THEMIS: variants seen among roughly 807,000 people sequenced by gnomAD.
The protein encoded by THEMIS is thymocyte selection associated.
Under a neutral mutation model 52.6 loss-of-function variants are expected in THEMIS, and 37 were observed. The observed-to-expected ratio is 0.70, with a 90% CI of 0.54 to 0.93. THEMIS has a LOEUF of 0.93. THEMIS is among the 40% of genes least tolerant of loss of function. THEMIS has a pLI of 0.00. For missense variants in THEMIS, 808 were observed against 763.1 expected, an observed-to-expected ratio of 1.06 and a Z score of -0.69; for synonymous variants, 292 against 272.7, an observed-to-expected ratio of 1.07 and a Z score of -0.70.
chr6:127,786,924 C>T (rs1776968125), intron 4 of THEMIS, among the ~76,000 whole-genome samples: 1 of 152,116 alleles, frequency 6.6e-6, no homozygotes, highest in Non-Finnish European at 1.5e-5. Flanking sequence ...ATCACAGTAG[C>T]TGTGAGAAAA....
intron 1 of THEMIS, among the ~76,000 whole-genome samples, chr6:127,867,703 G>A (rs1433668564): frequency 2.0e-5 from 3 of 152,044 alleles, no homozygotes; most frequent in Non-Finnish European, 4.4e-5. Context: ...TATAGTTAGC[G>A]AACAGCTAAC....
At chr6:127,774,466 A>G (rs2114453339) in intron 4 of THEMIS, among the ~76,000 whole-genome samples, 1 of 152,266 alleles carries the variant, frequency 6.6e-6, no homozygotes, top group East Asian at 1.9e-4. Flanking sequence ...CGGCCTCCCA[A>G]AGTGCTGGGA....
At chr6:127,793,426 T>C (rs1777222117) in intron 4 of THEMIS, among the ~76,000 whole-genome samples, 1 of 152,170 alleles carries the variant, frequency 6.6e-6, no homozygotes, top group African/African-American at 2.4e-5. Context: ...AGGCAGTTCC[T>C]GGGAAAATCC....
At chr6:127,807,995 T>G (rs1777776529) in intron 4 of THEMIS, among the ~76,000 whole-genome samples, 1 of 152,190 alleles carries the variant, frequency 6.6e-6, no homozygotes, top group African/African-American at 2.4e-5. Flanking sequence ...GGTGCAGGAT[T>G]TTTTTCTGCT....
chr6:127,844,833 T>G (rs1779162891), intron 2 of THEMIS, among the ~76,000 whole-genome samples: 1 of 151,968 alleles, frequency 6.6e-6, no homozygotes, highest in Admixed American at 6.6e-5. Context: ...TTGGCAAGAT[T>G]GGCATGTTTT....
chr6:127,717,578 T>C (rs1291920154), intron 5 of THEMIS, among the ~76,000 whole-genome samples: 1 of 151,934 alleles, frequency 6.6e-6, no homozygotes, highest in Non-Finnish European at 1.5e-5. Flanking sequence ...CTGACAGCAC[T>C]GATCCTGAGT....
intron 3 of THEMIS, among the ~76,000 whole-genome samples, chr6:127,820,740 C>T (rs575069603): frequency 6.6e-6 from 1 of 152,082 alleles, no homozygotes; most frequent in East Asian, 1.9e-4. Context: ...TTTGCATGAA[C>T]TTTGAATTTT....
chr6:127,872,706 GT>G (rs1256508383), intron 1 of THEMIS, among the ~76,000 whole-genome samples: 13 of 152,030 alleles, frequency 8.6e-5, no homozygotes, highest in Non-Finnish European at 1.6e-4. Flanking sequence ...AAACCTGAAT[GT>G]TTTCTCCCTA....
At chr6:127,891,941 G>C (rs1167202340) in intron 1 of THEMIS, among the ~76,000 whole-genome samples, 1 of 152,154 alleles carries the variant, frequency 6.6e-6, no homozygotes, top group Non-Finnish European at 1.5e-5. Flanking sequence ...GTCCCCAGAT[G>C]TCTGCACTGT....
chr6:127,755,026 C>A (rs1181918883), intron 4 of THEMIS, among the ~76,000 whole-genome samples: 3 of 151,258 alleles, frequency 2.0e-5, no homozygotes, highest in South Asian at 2.1e-4. Context: ...TTTTTTTAAA[C>A]CCTCCTTTAA....
At chr6:127,772,291 T>G (rs1039501840) in intron 4 of THEMIS, among the ~76,000 whole-genome samples, 3 of 152,102 alleles carry the variant, frequency 2.0e-5, no homozygotes, top group African/African-American at 7.2e-5. Context: ...TCTCACACTC[T>G]CTGCTTAATT....
At chr6:127,755,711 A>G (rs1289685684) in intron 4 of THEMIS, among the ~76,000 whole-genome samples, 2 of 152,138 alleles carry the variant, frequency 1.3e-5, no homozygotes, top group Admixed American at 1.3e-4. Flanking sequence ...TTTTATAAAA[A>G]AGGGTTTATC....
intron 4 of THEMIS, among the ~76,000 whole-genome samples, chr6:127,805,387 GGC>G: frequency 6.6e-6 from 1 of 151,958 alleles, no homozygotes; most frequent in Non-Finnish European, 1.5e-5. Flanking sequence ...GAAAGTTTAC[GGC>G]TATAAAAGGT....
chr6:127,797,438 T>C (rs1777367878), intron 4 of THEMIS, among the ~76,000 whole-genome samples: 1 of 152,184 alleles, frequency 6.6e-6, no homozygotes, highest in Non-Finnish European at 1.5e-5. Flanking sequence ...ACACCTTGTC[T>C]TCAGAGAACC....
intron 2 of THEMIS, among the ~76,000 whole-genome samples, chr6:127,852,262 A>G (rs796309465): frequency 2.6e-5 from 4 of 151,728 alleles, no homozygotes; most frequent in African/African-American, 9.6e-5. Flanking sequence ...GACAGAATTG[A>G]AGGGAAAATA....
At chr6:127,817,791 G>T (rs760089719) in intron 3 of THEMIS, among the ~76,000 whole-genome samples, 1 of 152,122 alleles carries the variant, frequency 6.6e-6, no homozygotes, top group Non-Finnish European at 1.5e-5. Flanking sequence ...GGGACTAAAG[G>T]TAGAATTGTT....
At chr6:127,727,297 G>A (rs1774583254) in intron 4 of THEMIS, among the ~76,000 whole-genome samples, 1 of 152,128 alleles carries the variant, frequency 6.6e-6, no homozygotes, top group African/African-American at 2.4e-5. Flanking sequence ...TGTAGCCAAA[G>A]GGCAGGAAAA....
intron 4 of THEMIS, among the ~76,000 whole-genome samples, chr6:127,736,445 G>A (rs939093097): frequency 6.6e-6 from 1 of 152,008 alleles, no homozygotes; most frequent in Non-Finnish European, 1.5e-5. Context: ...TTGATAATAG[G>A]GGAAATTTAA....
chr6:127,820,512 C>T (rs533514742), intron 3 of THEMIS, among the ~76,000 whole-genome samples: 85 of 152,224 alleles, frequency 5.6e-4, no homozygotes, highest in African/African-American at 2.0e-3. Context: ...TGAATTGACA[C>T]TTTGAATGCC....
Sources: allele counts gnomAD v4.1 joint callset (sites outside exome capture counted in the v4.1 genomes callset), GRCh38; gene constraint gnomAD v4.1.1; transcripts MANE v1.5; gene names NCBI Gene and HGNC (gene_info 2026-07-23, HGNC 2026-07-21).